Variants in MTRR observed in about 807,000 individuals in gnomAD.
MTRR encodes the protein 5-methyltetrahydrofolate-homocysteine methyltransferase reductase, also known as methionine synthase reductase.
Under a neutral mutation model 79.2 loss-of-function variants are expected in MTRR, and 63 were observed. The observed-to-expected ratio is 0.80, with a 90% CI of 0.65 to 0.98. The LOEUF (loss-of-function observed/expected upper bound fraction) is 0.98, where lower values mean the gene tolerates loss of function less well. Ranked by LOEUF, MTRR falls within the 50% of genes least tolerant of loss-of-function variation. MTRR has a pLI of 0.00. For synonymous variants in MTRR, 355 were observed against 313.3 expected (o/e 1.13, Z -1.41); for missense variants, 895 against 839.6 (o/e 1.07, Z -0.82).
intron 1 of MTRR, among the ~76,000 whole-genome samples, chr5:7,854,571 G>A (rs376797811): frequency 4.1e-4 from 63 of 152,142 alleles, no homozygotes; most frequent in African/African-American, 1.5e-3. Flanking sequence ...GGCGGCAAGA[G>A]AAAATGAGGA....
upstream of MTRR, chr5:7,866,749 G>C (rs151272495): frequency 1.1e-4 from 171 of 1,613,854 alleles, no homozygotes; most frequent in African/African-American, 1.6e-3. Context: ...ATAATGATTT[G>C]GGTGGAAAAT....
In MTRR at chr5:7,875,299, A is replaced by C. The variant is rs1181616379; in HGVS notation, c.325A>C (p.Lys109Gln). The change falls in exon 4 of 15, where the codon AAG becomes CAG. Residue 109 changes from lysine to glutamine, a missense_variant. Transcript: ENST00000440940. ...SEYTYFCNGG[K>Q]IIDKRLQELG... ...ATACACCTACTTTTGCAATGGGGGG[A>C]AGATAATTGATAAACGACTTCAAGA... 2 of 1,613,758 alleles carry C rather than the reference A, an allele frequency of 1.2e-6. No individual in the cohort carries two copies. Among genetic ancestry groups the C allele is most frequent in the Admixed American group, 1.7e-5 (1 of 59,970 alleles).
At chr5:7,868,199 G>T (rs201464747), upstream of MTRR, 4 of 174,830 alleles carry the variant, frequency 2.3e-5, no homozygotes, top group East Asian at 7.6e-5. Flanking sequence ...ACGAGTATCT[G>T]GAAAAAAAAA....
At chr5:7,865,850 A>G (rs758462916), upstream of MTRR, 2 of 1,412,642 alleles carry the variant, frequency 1.4e-6, no homozygotes, top group East Asian at 4.6e-5. Context: ...ACTTAAAAGG[A>G]AACTGCACCC....
At chr5:7,895,953 T>A in intron 12 of MTRR, 101 bp downstream of exon 12, 1 of 1,412,268 alleles carries the variant, frequency 7.1e-7, no homozygotes, top group Non-Finnish European at 9.8e-7. Context: ...AATTTTTATT[T>A]AAAAAATTAT....
At chr5:7,868,567 A>T (rs1013319602), upstream of MTRR, among the ~76,000 whole-genome samples, 1 of 152,220 alleles carries the variant, frequency 6.6e-6, no homozygotes, top group African/African-American at 2.4e-5. Flanking sequence ...AGGCGAGGTT[A>T]GAGCAAGGCA....
chr5:7,851,172 C>G (rs1315387347), upstream of MTRR: 1 of 927,358 alleles, frequency 1.1e-6, no homozygotes, highest in Non-Finnish European at 1.4e-6. Flanking sequence ...CCTGGCGACC[C>G]GGAGCTGCCC....
At chr5:7,897,318 C>T (rs951584882) in intron 14 of MTRR, 71 bp downstream of exon 14, 9 of 1,478,674 alleles carry the variant, frequency 6.1e-6, no homozygotes, top group African/African-American at 1.4e-5. Flanking sequence ...AAAAAAGGAC[C>T]GAGAAGCCAA....
In MTRR at chr5:7,897,096, A is replaced by C. The variant is rs1241817740; in HGVS notation, c.1801A>C (p.Ile601Leu). The C allele has an allele frequency of 6.2e-7, 1 of 1,614,130 alleles. No homozygotes were observed. The highest frequency in any genetic ancestry group is 1.1e-5 in the South Asian group (1 of 91,080). The change falls in exon 14 of 15, where the codon ATC (isoleucine) becomes CTC (leucine). Residue 601 changes from isoleucine to leucine, a missense_variant. Ile to Leu is a conservative substitution (Grantham distance 5). Transcript: ENST00000440940. ...KELRHFLKHG[I>L]LTHLKVSFSR... is the part of the protein sequence containing the mutation. ...GCTCAGACATTTCCTTAAGCATGGG[A>C]TCTTAACTCATCTAAAGGTTTCCTT...
At chr5:7,862,783 T>G (rs1411844840) in intron 2 of MTRR, 2 of 1,537,420 alleles carry the variant, frequency 1.3e-6, no homozygotes, top group Non-Finnish European at 1.8e-6. Context: ...TCGAACAGGA[T>G]GCTTAGGTTT....
At chr5:7,875,762 G>A (rs913028328) in intron 4 of MTRR, among the ~76,000 whole-genome samples, 4 of 152,354 alleles carry the variant, frequency 2.6e-5, no homozygotes, top group Non-Finnish European at 4.4e-5. Context: ...GGAGCCTGGT[G>A]AGCCACACTT....
chr5:7,889,969 AGG>A (rs1737275276), intron 9 of MTRR, among the ~76,000 whole-genome samples: 1 of 152,198 alleles, frequency 6.6e-6, no homozygotes, highest in Non-Finnish European at 1.5e-5. Flanking sequence ...TCGATGTCCT[AGG>A]ACCTCTCTGT....
At chr5:7,870,709 T>C in intron 1 of MTRR, 61 bp from the exon 2 acceptor site, 2 of 1,539,856 alleles carry the variant, frequency 1.3e-6, no homozygotes, top group Admixed American at 3.4e-5. Flanking sequence ...GAGGGAGAAT[T>C]AATATCTTTA....
At chr5:7,892,076 G>C (rs1207076282) in intron 10 of MTRR, among the ~76,000 whole-genome samples, 2 of 152,052 alleles carry the variant, frequency 1.3e-5, no homozygotes, top group African/African-American at 4.8e-5. Flanking sequence ...ATGAGCACTG[G>C]CTTATAGGAT....
At chr5:7,882,311 G>C (rs1266850273) in intron 5 of MTRR, among the ~76,000 whole-genome samples, 1 of 152,164 alleles carries the variant, frequency 6.6e-6, no homozygotes, top group Non-Finnish European at 1.5e-5. Flanking sequence ...TGTGGGCAGG[G>C]GTAAGGTGTG....
chr5:7,894,608 G>A (rs146527475), intron 11 of MTRR, among the ~76,000 whole-genome samples: 56 of 152,268 alleles, frequency 3.7e-4, no homozygotes, highest in African/African-American at 1.1e-3. Flanking sequence ...GATTCAGATC[G>A]TGGTCAAAGG....
intron 1 of MTRR, 98 bp from the exon 2 acceptor site, chr5:7,870,672 G>A (rs1747801052): frequency 2.4e-6 from 3 of 1,269,798 alleles, no homozygotes; most frequent in African/African-American, 3.0e-5. Flanking sequence ...TTATGTGTGG[G>A]TATTGTTGCA....
At chr5:7,871,463 A>T (rs1747987025) in intron 2 of MTRR, among the ~76,000 whole-genome samples, 1 of 152,220 alleles carries the variant, frequency 6.6e-6, no homozygotes, top group Non-Finnish European at 1.5e-5. Flanking sequence ...GGTATATGCA[A>T]CTTTACCATC....
In MTRR at chr5:7,892,863, C is replaced by T; in HGVS notation, c.1507C>T (p.Pro503Ser). The change falls in exon 11 of 15, where the codon CCA becomes TCA. Residue 503 changes from proline (P) to serine (S), a missense_variant. Transcript: ENST00000440940. ...LALLVASVLQPNIHASHEDSG... is the reference protein window; with the variant it reads ...LALLVASVLQSNIHASHEDSG... ...CTTGTTGGTTGCTTCAGTTCTTCAG[C>T]CAAACATACATGCATCCCATGAAGA... The T allele has an allele frequency of 3.7e-6, 6 of 1,614,192 alleles. No individual in the cohort carries two copies. Among genetic ancestry groups the T allele is most frequent in the Non-Finnish European group, 5.1e-6 (6 of 1,180,048 alleles).
Sources: gnomAD v4.1 joint callset for allele counts (sites outside exome capture counted in the v4.1 genomes callset) on GRCh38, gnomAD v4.1.1 for gene constraint, MANE v1.5 for transcripts, NCBI Gene and HGNC (gene_info 2026-07-23, HGNC 2026-07-21) for gene names.